GALNTL6: variants seen among roughly 807,000 people sequenced by gnomAD.
GALNTL6 encodes polypeptide N-acetylgalactosaminyltransferase-like 6.
Under a neutral mutation model 73.7 loss-of-function variants are expected in GALNTL6, and 46 were observed. That is an observed-to-expected ratio of 0.62 (90% confidence interval 0.49 to 0.80). The LOEUF (loss-of-function observed/expected upper bound fraction) is 0.80, where lower values mean the gene tolerates loss of function less well. Ranked by LOEUF, GALNTL6 falls within the 30% of genes least tolerant of loss-of-function variation. The pLI is 0.00. For missense variants in GALNTL6, 604 were observed against 755.0 expected (o/e 0.80, Z 2.34); for synonymous variants, 259 against 263.7 (o/e 0.98, Z 0.17).
At chr4:172,966,692 C>T (rs933835316) in intron 10 of GALNTL6, among the ~76,000 whole-genome samples, 1 of 152,166 alleles carries the variant, frequency 6.6e-6, no homozygotes, top group African/African-American at 2.4e-5. Flanking sequence ...GCGCCCAGCC[C>T]AGGGAGTCAA....
At chr4:172,440,873 A>G (rs1485300080) in intron 5 of GALNTL6, among the ~76,000 whole-genome samples, 2 of 152,132 alleles carry the variant, frequency 1.3e-5, no homozygotes, top group South Asian at 2.1e-4. Flanking sequence ...TTATGATATA[A>G]CTATAAAATT....
intron 5 of GALNTL6, among the ~76,000 whole-genome samples, chr4:172,785,791 A>C (rs1739620692): frequency 6.6e-6 from 1 of 152,128 alleles, no homozygotes; most frequent in Admixed American, 6.6e-5. Context: ...GAAGGCATTA[A>C]TCATCCCCAA....
At chr4:172,965,836 T>C (rs906191640) in intron 10 of GALNTL6, among the ~76,000 whole-genome samples, 3 of 152,162 alleles carry the variant, frequency 2.0e-5, no homozygotes, top group Non-Finnish European at 4.4e-5. Flanking sequence ...TGTATTTGTA[T>C]TTGATATATG....
chr4:172,560,642 T>C (rs1224763435), intron 5 of GALNTL6, among the ~76,000 whole-genome samples: 1 of 152,224 alleles, frequency 6.6e-6, no homozygotes, highest in Non-Finnish European at 1.5e-5. Flanking sequence ...TCCTGGGTAA[T>C]TGAAGTCTGA....
At chr4:172,346,159 G>A (rs968107739) in intron 4 of GALNTL6, among the ~76,000 whole-genome samples, 6 of 152,144 alleles carry the variant, frequency 3.9e-5, no homozygotes, top group African/African-American at 7.2e-5. Context: ...TCATGAGCCT[G>A]TTCCTCCAGC....
intron 2 of GALNTL6, among the ~76,000 whole-genome samples, chr4:172,011,367 G>A (rs1427385121): frequency 6.6e-6 from 1 of 152,076 alleles, no homozygotes; most frequent in South Asian, 2.1e-4. Flanking sequence ...ATAGAAAACA[G>A]GAAGGAAGTG....
intron 5 of GALNTL6, among the ~76,000 whole-genome samples, chr4:172,788,650 G>A (rs1197536950): frequency 2.1e-5 from 3 of 145,276 alleles, no homozygotes; most frequent in Non-Finnish European, 3.0e-5. Context: ...CCAGCCTGAG[G>A]GACAGGGCAA....
chr4:172,892,190 G>A (rs903463260), intron 8 of GALNTL6, among the ~76,000 whole-genome samples: 2 of 152,194 alleles, frequency 1.3e-5, no homozygotes, highest in African/African-American at 4.8e-5. Flanking sequence ...GGGAGCTAGT[G>A]CAATCCTTTG....
chr4:172,716,423 T>A lies in GALNTL6; in HGVS notation c.554-92938T>A, dbSNP rs17058787. On this transcript the variant is annotated intron_variant, in intron 5 of 12. Coordinates refer to ENST00000506823, the MANE Select transcript of GALNTL6 (RefSeq NM_001034845.3). ...ATAGGTTTTATAATAAGGCTCTCAATGAAGGAAAGAGTGTATTGAATTACA... is the reference window on the plus strand; with the variant it reads ...ATAGGTTTTATAATAAGGCTCTCAAAGAAGGAAAGAGTGTATTGAATTACA... Among the ~76,000 whole-genome samples, 87 of 152,240 alleles carry A rather than the reference T, an allele frequency of 5.7e-4. 1 individual carries two copies. The East Asian group carries it at 0.016, about 29-fold the overall frequency.
At position 171,814,488 on chromosome 4, in the gene GALNTL6, C is replaced by A; in HGVS notation, c.-93C>A. On this transcript the variant is annotated 5_prime_UTR_variant, in exon 2 of 13. Coordinates refer to ENST00000506823, the MANE Select transcript of GALNTL6 (RefSeq NM_001034845.3). Reference sequence around the variant, plus strand: ...GTTTGTAGCTTCTCAGTTTCTGGTGCTTCGCAGGGGAGAGGAAAGGAATTT... The same window carrying A: ...GTTTGTAGCTTCTCAGTTTCTGGTGATTCGCAGGGGAGAGGAAAGGAATTT... 1.5e-6 allele frequency: 2 copies of A among 1,374,618 alleles called. No homozygotes were observed. Among genetic ancestry groups the A allele is most frequent in the Non-Finnish European group, 2.0e-6 (2 of 988,236 alleles). The allele number at this position is 1,374,618 out of a possible 1,614,324, so 85.2% of individuals were successfully genotyped here.
intron 2 of GALNTL6, among the ~76,000 whole-genome samples, chr4:171,868,699 T>G (rs1288555248): frequency 6.6e-6 from 1 of 152,134 alleles, no homozygotes; most frequent in Non-Finnish European, 1.5e-5. Flanking sequence ...TCTTTTTTTT[T>G]TAGACGGAGT....
chr4:171,824,465 G>A (rs557542723), intron 2 of GALNTL6, among the ~76,000 whole-genome samples: 1 of 152,046 alleles, frequency 6.6e-6, no homozygotes, highest in Non-Finnish European at 1.5e-5. Context: ...AATGGATTTA[G>A]ATGGTGTAAG....
intron 5 of GALNTL6, among the ~76,000 whole-genome samples, chr4:172,624,869 A>G (rs954135663): frequency 1.3e-5 from 2 of 150,830 alleles, no homozygotes; most frequent in East Asian, 3.9e-4. Flanking sequence ...ACCTGGGTAT[A>G]TTGTCTGATG....
intron 5 of GALNTL6, among the ~76,000 whole-genome samples, chr4:172,631,751 A>G (rs6822571): frequency 0.43 from 65,988 of 152,088 alleles, 16,353 homozygotes; most frequent in East Asian, 0.68. Context: ...TTGTTTTGCC[A>G]TACAAGTAAT....
At chr4:172,374,747 A>G (rs1342853407) in intron 5 of GALNTL6, among the ~76,000 whole-genome samples, 1 of 152,186 alleles carries the variant, frequency 6.6e-6, no homozygotes, top group Non-Finnish European at 1.5e-5. Context: ...TACTTTACTA[A>G]GATACCAGGT....
chr4:172,151,561 G>A (rs1378780868), intron 2 of GALNTL6, among the ~76,000 whole-genome samples: 2 of 152,196 alleles, frequency 1.3e-5, no homozygotes, highest in Non-Finnish European at 2.9e-5. Context: ...CAGGAGGAGT[G>A]TTTTGGACAT....
chr4:173,000,464 T>A (rs917824558), intron 10 of GALNTL6, among the ~76,000 whole-genome samples: 2 of 152,212 alleles, frequency 1.3e-5, no homozygotes, highest in African/African-American at 4.8e-5. Flanking sequence ...CGTGTTATTG[T>A]TAAATGGTGA....
At chr4:172,312,907 T>C (rs775750051) in intron 4 of GALNTL6, among the ~76,000 whole-genome samples, 2 of 152,152 alleles carry the variant, frequency 1.3e-5, no homozygotes, top group Non-Finnish European at 2.9e-5. Flanking sequence ...TTTTCCTAAA[T>C]TGAGTGCTTT....
At chr4:171,877,998 T>C (rs1736326973) in intron 2 of GALNTL6, among the ~76,000 whole-genome samples, 1 of 152,218 alleles carries the variant, frequency 6.6e-6, no homozygotes, top group East Asian at 1.9e-4. Context: ...ACTGATCACA[T>C]CAAACATTAT....
Sources: allele counts gnomAD v4.1 joint callset (sites outside exome capture counted in the v4.1 genomes callset), GRCh38; gene constraint gnomAD v4.1.1; transcripts MANE v1.5; gene names NCBI Gene and HGNC (gene_info 2026-07-23, HGNC 2026-07-21).